The following MYO18A variants were observed in gnomAD, a reference collection of about 807,000 sequenced individuals.
MYO18A encodes unconventional myosin-XVIIIa.
MYO18A carries 78 observed loss-of-function variants against 235.8 expected under a neutral mutation model. That is an observed-to-expected ratio of 0.33 (90% CI 0.28 to 0.40). The LOEUF is 0.40. MYO18A is among the 10% of genes least tolerant of loss of function. The pLI is 1.00. For missense variants in MYO18A, 2,215 were observed against 2,699.3 expected (o/e 0.82, Z 3.98); for synonymous variants, 977 against 1,077.8 (o/e 0.91, Z 1.83).
chr17:29,107,971 C>T (rs2066833941), intron 19 of MYO18A, among the ~76,000 whole-genome samples: 1 of 151,254 alleles, frequency 6.6e-6, no homozygotes, highest in Non-Finnish European at 1.5e-5. Flanking sequence ...CGCGCATTGG[C>T]TAGGTGCTGG....
chr17:29,145,739 C>T (rs2152935896), intron 2 of MYO18A, among the ~76,000 whole-genome samples: 1 of 152,222 alleles, frequency 6.6e-6, no homozygotes, highest in East Asian at 1.9e-4. Flanking sequence ...AAAAAATGTA[C>T]AGATCAGCAG....
Position 29,093,421 on chromosome 17 carries a change from G to C in MYO18A, c.4828C>G (p.Gln1610Glu), listed in dbSNP as rs1277626444. Residue 1610 changes from glutamine to glutamate, a missense_variant, in exon 32 of 42, where the codon CAG becomes GAG. Gln to Glu is a conservative substitution (Grantham distance 29, BLOSUM62 2). Coordinates refer to ENST00000527372, the MANE Select transcript of MYO18A (RefSeq NM_078471.4). ...TCTTCCTCTAGCTGCACCTCCATCT[G>C]TTTTAACTGGAGTACCATGGGGACA... ...ARQSCQKKLKQMEVQLEEEYE... is the reference protein window; with the variant it reads ...ARQSCQKKLKEMEVQLEEEYE... 1 of 1,609,838 alleles carries C rather than the reference G, an allele frequency of 6.2e-7. No individual in the cohort carries two copies. The highest frequency in any genetic ancestry group is 8.5e-7 in the Non-Finnish European group (1 of 1,179,346).
Position 29,118,978 on chromosome 17 carries a change from C to G in MYO18A, c.1829+357G>C, listed in dbSNP as rs1366151214. ...GTTCAGCCCCCTACCAGTCATGCGA[C>G]AGTAGGCAAGTCCCCAACCACTGGT... On this transcript the variant is annotated intron_variant, in intron 8 of 41. Coordinates refer to ENST00000527372, the MANE Select transcript of MYO18A (RefSeq NM_078471.4). This position sits in a 1 kb window ranked among gnomAD's most constrained non-coding sequence, Gnocchi z 4.2. Among the ~76,000 whole-genome samples the G allele has an allele frequency of 1.3e-5, 2 of 152,208 alleles. No homozygotes were observed. Among genetic ancestry groups the G allele is most frequent in the African/African-American group, 4.8e-5 (2 of 41,458 alleles).
intron 1 of MYO18A, among the ~76,000 whole-genome samples, chr17:29,173,676 G>A (rs933193336): frequency 2.6e-5 from 4 of 152,162 alleles, no homozygotes; most frequent in East Asian, 1.9e-4. Flanking sequence ...GTGAGCCACC[G>A]CACCCGGCCT....
rs2066806787 is a variant in MYO18A at position 29,107,083 on chromosome 17, C to A, written c.3438G>T (p.Arg1146Ser). Residue 1146 changes from arginine (R) to serine (S), a missense_variant, in exon 20 of 42, where the codon AGG becomes AGT. By Grantham distance (110) the Arg-to-Ser change is moderately radical. Coordinates refer to ENST00000527372, the MANE Select transcript of MYO18A (RefSeq NM_078471.4). ...CGGTCTGGGGACCTGGACCTACCCG[C>A]CTTTCATCCACCACGATGTAGTTAC... ...HGRNYIVVDERRAVEELLECL... is the reference protein window; with the variant it reads ...HGRNYIVVDESRAVEELLECL... 1.2e-6 allele frequency: 2 copies of A among 1,613,834 alleles called. No homozygotes were observed. Among genetic ancestry groups the A allele is most frequent in the African/African-American group, 2.7e-5 (2 of 74,938 alleles).
At chr17:29,090,231 T>C (rs1334687096) in intron 36 of MYO18A, 133 bp from the exon 37 acceptor site, 3 of 1,072,650 alleles carry the variant, frequency 2.8e-6, no homozygotes, top group East Asian at 5.2e-5. Context: ...GGAAAGAGAA[T>C]GGAGCCCTGG....
intron 1 of MYO18A, among the ~76,000 whole-genome samples, chr17:29,177,273 A>ATAT (rs2068554766): frequency 6.6e-6 from 1 of 152,176 alleles, no homozygotes; most frequent in Non-Finnish European, 1.5e-5. Context: ...TTAGAGAATA[A>ATAT]TCACAATAAT....
chr17:29,111,448 G>C lies in MYO18A; in HGVS notation c.2876C>G (p.Pro959Arg), dbSNP rs574211308. The change falls in exon 17 of 42, where the codon CCC becomes CGC. Residue 959 changes from proline to arginine, a missense_variant. By Grantham distance (103) the Pro-to-Arg change is moderately radical. Coordinates refer to ENST00000527372, the MANE Select transcript of MYO18A (RefSeq NM_078471.4). This position sits in a 1 kb window ranked among gnomAD's most constrained non-coding sequence, Gnocchi z 5.1. ...CTTCTGGGAGTCCTGCAGGAGCCGG[G>C]GGGCATTCTGGGTGGCTGGGTTCTG... ...TKQNPATQNA[P>R]RLLQDSQKKI... 1.2e-6 allele frequency: 2 copies of C among 1,612,428 alleles called. No homozygotes were observed. Among genetic ancestry groups the C allele is most frequent in the East Asian group, 2.2e-5 (1 of 44,846 alleles).
intron 10 of MYO18A, 135 bp from the exon 11 acceptor site, chr17:29,116,590 CCA>C (rs1348947491): frequency 1.2e-6 from 1 of 824,542 alleles, no homozygotes; most frequent in Non-Finnish European, 2.0e-6. Context: ...GAAAACACAA[CCA>C]CAGTCAGACT....
chr17:29,098,182 C>T lies in MYO18A; in HGVS notation c.3913G>A (p.Gly1305Arg). The change falls in exon 25 of 42, where the codon GGA (glycine) becomes AGA (arginine). Residue 1305 changes from glycine to arginine, a missense_variant. Gly to Arg is a moderately radical substitution (Grantham distance 125). Transcript: ENST00000527372. ...TSELTDERNT[G>R]ESASQLLDAE... ...TCCAGCAGCTGGGAGGCGGACTCTC[C>T]TGTGTTACGCTCATCTGTCAGCTCC... The T allele has an allele frequency of 6.2e-7, 1 of 1,614,012 alleles. No individual in the cohort carries two copies. Among genetic ancestry groups the T allele is most frequent in the Non-Finnish European group, 8.5e-7 (1 of 1,179,878 alleles).
At chr17:29,154,127 C>CGCGCGT (rs1403765104) in intron 2 of MYO18A, among the ~76,000 whole-genome samples, 20 of 110,534 alleles carry the variant, frequency 1.8e-4, no homozygotes, top group Non-Finnish European at 4.1e-4. Flanking sequence ...TGTGTGCGCG[C>CGCGCGT]GCGTGCGTGT....
At chr17:29,116,352 G>GA (rs1224307167) in intron 11 of MYO18A, 92 bp downstream of exon 11, 49 of 1,525,418 alleles carry the variant, frequency 3.2e-5, no homozygotes, top group Non-Finnish European at 4.3e-5. Context: ...AGCCACAGGG[G>GA]AAAGGGAACA....
In MYO18A at chr17:29,094,775, G is replaced by A. The variant is rs777329509; in HGVS notation, c.4585C>T (p.Gln1529Ter). 6.2e-7 allele frequency: 1 copy of A among 1,614,008 alleles called. No individual in the cohort carries two copies. Among genetic ancestry groups the A allele is most frequent in the Admixed American group, 1.7e-5 (1 of 60,028 alleles). The stretch of plus-strand genomic sequence containing the variant: ...AGAGAAGCCTCATCCTTGGACTCTT[G>A]GGAAGAAATGTCCTGGAGCTCTGCC... The part of the protein sequence containing the change: ...LEAELQDISS[Q>*]ESKDEASLAK... Residue 1529 changes from glutamine to a stop codon, truncating the protein, a stop_gained, in exon 30 of 42, where the codon CAA (glutamine) becomes TAA (stop). Coordinates refer to ENST00000527372, the MANE Select transcript of MYO18A (RefSeq NM_078471.4). LOFTEE classifies it high-confidence loss of function.
In MYO18A at chr17:29,094,945, C is replaced by A. The variant is rs1356899739; in HGVS notation, c.4500G>T (p.Gln1500His). 2 of 1,609,612 alleles carry A rather than the reference C, an allele frequency of 1.2e-6. No homozygotes were observed. Among genetic ancestry groups the A allele is most frequent in the Non-Finnish European group, 1.7e-6 (2 of 1,176,728 alleles). ...GGGTGGCCCTACCCACCTCTAGTTG[C>A]TGCTTCAGGCTGAAAGCCTCAGCGA... ...MLLAEAFSLKQQLEEKDMDIA... is the reference protein window; with the variant it reads ...MLLAEAFSLKHQLEEKDMDIA... Residue 1500 changes from glutamine to histidine, a missense_variant, in exon 29 of 42, where the codon CAG becomes CAT. Gln to His is a conservative substitution (Grantham distance 24, BLOSUM62 0). Coordinates refer to ENST00000527372, the MANE Select transcript of MYO18A (RefSeq NM_078471.4).
chr17:29,139,507 G>C (rs1032390074), intron 2 of MYO18A, among the ~76,000 whole-genome samples: 5 of 152,108 alleles, frequency 3.3e-5, no homozygotes, highest in Non-Finnish European at 7.4e-5. Flanking sequence ...TGAGCACAGA[G>C]AGATACAAGT....
At position 29,116,553 on chromosome 17, in the gene MYO18A, G is replaced by A. The variant is rs1012897603; in HGVS notation, c.2039-98C>T. On this transcript the variant is annotated intron_variant, in intron 10 of 41. Transcript: ENST00000527372. ...CGCCGCCTCGGAGGGACCGTGGGGC[G>A]GGGGTGTTGTGAGGATGAGTAGGCA... 23 of 1,479,086 alleles carry A rather than the reference G, an allele frequency of 1.6e-5. No homozygotes were observed. The East Asian group carries it at 3.2e-4, about 20-fold the overall frequency. The allele number at this position is 1,479,086 out of a possible 1,614,324, so 91.6% of individuals were successfully genotyped here.
At chr17:29,104,923 G>A (rs2066744620) in intron 20 of MYO18A, among the ~76,000 whole-genome samples, 1 of 152,100 alleles carries the variant, frequency 6.6e-6, no homozygotes, top group African/African-American at 2.4e-5. Flanking sequence ...GCTCACGCCT[G>A]TAATCCCAGC....
intron 2 of MYO18A, among the ~76,000 whole-genome samples, chr17:29,153,898 G>A (rs1201912942): frequency 6.6e-6 from 1 of 152,110 alleles, no homozygotes; most frequent in Non-Finnish European, 1.5e-5. Context: ...CTCAAAATCA[G>A]TCATCAAAGG....
intron 2 of MYO18A, among the ~76,000 whole-genome samples, chr17:29,148,533 C>A (rs1200113159): frequency 6.6e-6 from 1 of 151,974 alleles, no homozygotes; most frequent in Admixed American, 6.6e-5. Context: ...AAGAAAATGC[C>A]AGCGCAGGAG....
Sources: gnomAD v4.1 joint callset for allele counts (sites outside exome capture counted in the v4.1 genomes callset) on GRCh38, gnomAD v4.1.1 for gene constraint, Gnocchi (gnomAD v3.1) non-coding constraint, MANE v1.5 for transcripts, NCBI Gene and HGNC (gene_info 2026-07-23, HGNC 2026-07-21) for gene names.